MORC1: variants seen among roughly 807,000 people sequenced by gnomAD.
MORC1 encodes MORC family CW-type zinc finger protein 1.
In MORC1, 59 loss-of-function variants were observed where a neutral mutation model predicts 134.9. The observed-to-expected ratio is 0.44, with a 90% confidence interval of 0.35 to 0.54. MORC1 has a LOEUF of 0.54. Ranked by LOEUF, MORC1 falls within the 20% of genes least tolerant of loss-of-function variation. The pLI, the probability that MORC1 is intolerant of heterozygous loss-of-function variation, is 0.00. For missense variants in MORC1, 947 were observed against 1,134.5 expected, an observed-to-expected ratio of 0.83 and a Z score of 2.37; for synonymous variants, 395 against 391.7, an observed-to-expected ratio of 1.01 and a Z score of -0.10.
intron 1 of MORC1, among the ~76,000 whole-genome samples, chr3:109,115,358 C>G (rs1029057576): frequency 1.4e-3 from 156 of 115,392 alleles, no homozygotes; most frequent in Middle Eastern, 5.2e-3. Flanking sequence ...CACACACACA[C>G]AGAGAGAGAG....
chr3:109,029,384 G>A (rs1308404406), intron 16 of MORC1, among the ~76,000 whole-genome samples: 1 of 152,170 alleles, frequency 6.6e-6, no homozygotes, highest in Non-Finnish European at 1.5e-5. Flanking sequence ...TATTCAGAAG[G>A]AAGAAACCTC....
At chr3:109,035,967 A>T (rs1336906948) in intron 14 of MORC1, among the ~76,000 whole-genome samples, 1 of 151,950 alleles carries the variant, frequency 6.6e-6, no homozygotes, top group African/African-American at 2.4e-5. Flanking sequence ...CCTATCCCCA[A>T]ATTGTGTATT....
chr3:108,997,639 AATAAATAAAACATAAC>A (rs1456049636), intron 21 of MORC1, among the ~76,000 whole-genome samples: 1 of 152,260 alleles, frequency 6.6e-6, no homozygotes, highest in African/African-American at 2.4e-5. Flanking sequence ...AAGTTAGGAA[AATAAATAAAACATAAC>A]AGTGAGCTAC....
chr3:109,100,583 C>T (rs1950907494), intron 4 of MORC1, 76 bp from the exon 5 acceptor site: 1 of 1,089,464 alleles, frequency 9.2e-7, no homozygotes. Flanking sequence ...GTCAGGACCT[C>T]ACATTCCTCA....
At position 109,032,737 on chromosome 3, in the gene MORC1, G is replaced by C; in HGVS notation, c.1548C>G (p.Pro516=). 1 of 1,594,374 alleles carries C rather than the reference G, an allele frequency of 6.3e-7. No homozygotes were observed. The highest frequency in any genetic ancestry group is 8.6e-7 in the Non-Finnish European group (1 of 1,167,282). The stretch of plus-strand genomic sequence containing the variant: ...AAAAATACCTGTTTTCCAAGCGGTT[G>C]GGATTATTAGCACAAATCCAAATGT... ...FFDIWICANN[P]NRLENSCHQV... Residue 516 remains proline (P), a synonymous_variant, in exon 16 of 28, where the codon CCC becomes CCG. Transcript: ENST00000232603.
At chr3:109,063,939 T>C (rs13084102) in intron 9 of MORC1, among the ~76,000 whole-genome samples, 18,106 of 152,114 alleles carry the variant, frequency 0.12, 1,153 homozygotes, top group Non-Finnish European at 0.14. Flanking sequence ...TAAATCATCA[T>C]AGAGAGAAAA....
chr3:109,033,251 T>A lies in MORC1; in HGVS notation c.1460-426A>T, dbSNP rs147333546. Reference sequence around the variant, plus strand: ...ACCATGATCTCAACTAGTATAAAATTAAACTGAAAGAAAGAAAGAAGGAAA... The same window carrying A: ...ACCATGATCTCAACTAGTATAAAATAAAACTGAAAGAAAGAAAGAAGGAAA... On this transcript the variant is annotated intron_variant, in intron 15 of 27. Transcript: ENST00000232603. Among the ~76,000 whole-genome samples the A allele has an allele frequency of 5.2e-3, 756 of 145,936 alleles. 17 individuals are homozygous for A. The highest frequency in any genetic ancestry group is 0.019 in the African/African-American group (725 of 38,592).
At chr3:109,115,376 C>A (rs1479830344) in intron 1 of MORC1, among the ~76,000 whole-genome samples, 3 of 151,356 alleles carry the variant, frequency 2.0e-5, no homozygotes, top group Non-Finnish European at 4.4e-5. Context: ...GAGAATATAT[C>A]CCCACATTTT....
At chr3:108,975,575 T>C (rs1368078069) in intron 24 of MORC1, among the ~76,000 whole-genome samples, 2 of 152,128 alleles carry the variant, frequency 1.3e-5, no homozygotes, top group African/African-American at 2.4e-5. Flanking sequence ...CCAAGCTCTG[T>C]CACTTAAGTG....
At chr3:109,037,157 T>C (rs1386870481) in intron 14 of MORC1, among the ~76,000 whole-genome samples, 1 of 152,210 alleles carries the variant, frequency 6.6e-6, no homozygotes, top group Non-Finnish European at 1.5e-5. Context: ...TGGGGGTTAA[T>C]GGCACAGGGA....
At chr3:109,081,454 T>A (rs1363448325) in intron 8 of MORC1, among the ~76,000 whole-genome samples, 1 of 4,012 alleles carries the variant, frequency 2.5e-4, no homozygotes, top group African/African-American at 5.4e-4. Context: ...AGAATTAAAC[T>A]TTTTTTTTTT....
At chr3:109,083,909 C>G (rs945633496) in intron 8 of MORC1, among the ~76,000 whole-genome samples, 1 of 151,932 alleles carries the variant, frequency 6.6e-6, no homozygotes, top group African/African-American at 2.4e-5. Context: ...AGGAGAAAAC[C>G]CTAGGATCAT....
intron 14 of MORC1, among the ~76,000 whole-genome samples, chr3:109,049,851 G>A (rs1363478272): frequency 6.6e-6 from 1 of 152,084 alleles, no homozygotes; most frequent in Non-Finnish European, 1.5e-5. Context: ...GTTTCATCTG[G>A]CACATTTTGT....
intron 24 of MORC1, among the ~76,000 whole-genome samples, chr3:108,974,564 T>C (rs2715740): frequency 0.4 from 60,884 of 151,954 alleles, 12,695 homozygotes; most frequent in Middle Eastern, 0.56. Flanking sequence ...CACAAAATTA[T>C]AGGAATAAAC....
chr3:109,063,880 G>A (rs1394206097), intron 9 of MORC1, among the ~76,000 whole-genome samples: 1 of 152,070 alleles, frequency 6.6e-6, no homozygotes, highest in Non-Finnish European at 1.5e-5. Flanking sequence ...TTGAAAGTAT[G>A]TGCACCTGTT....
rs763295994 is a variant in MORC1 at position 109,000,625 on chromosome 3, G to A, written c.2119C>T (p.Leu707=). ...ASWEMKRKQS[L]NFVEECKVLT... is the part of the protein sequence containing the mutation. ...ACCTTACATTCCTCTACAAAGTTCAGACTCTGCTTCCTTTTCATTTCCCAA... is the reference window on the plus strand; with the variant it reads ...ACCTTACATTCCTCTACAAAGTTCAAACTCTGCTTCCTTTTCATTTCCCAA... The change falls in exon 21 of 28, where the codon CTG becomes TTG. Residue 707 remains leucine, a synonymous_variant. Transcript: ENST00000232603. 6.2e-7 allele frequency: 1 copy of A among 1,610,908 alleles called. No homozygotes were observed. Among genetic ancestry groups the A allele is most frequent in the South Asian group, 1.1e-5 (1 of 90,540 alleles).
At position 109,032,026 on chromosome 3, in the gene MORC1, G is replaced by C. The variant is rs576481872; in HGVS notation, c.1565+694C>G. Among the ~76,000 whole-genome samples, 23 of 151,958 alleles carry C rather than the reference G, an allele frequency of 1.5e-4. No individual in the cohort carries two copies. The East Asian group carries it at 4.3e-3, about 28-fold the overall frequency. ...TGTTTTCTTTTTCTTTTATCTTTTT[G>C]CTCTTCTTTTTCAGAGCTAGATAAA... On this transcript the variant is annotated intron_variant, in intron 16 of 27. Coordinates refer to ENST00000232603, the MANE Select transcript of MORC1 (RefSeq NM_014429.4).
chr3:108,971,316 A>C lies in MORC1; in HGVS notation c.2550+14T>G, dbSNP rs1462567908. 1.2e-6 allele frequency: 2 copies of C among 1,611,710 alleles called. No homozygotes were observed. Among genetic ancestry groups the C allele is most frequent in the Non-Finnish European group, 1.7e-6 (2 of 1,178,440 alleles). On this transcript the variant is annotated intron_variant, in intron 25 of 27. Transcript: ENST00000232603. ...TCTATCATTCCCTCACAGTTCCAAA[A>C]AAAACCAGCTTACCTCACAACTTAA...
At chr3:109,002,856 T>C (rs1200821034) in intron 20 of MORC1, among the ~76,000 whole-genome samples, 2 of 152,208 alleles carry the variant, frequency 1.3e-5, no homozygotes, top group Admixed American at 6.5e-5. Context: ...GCCCTACTCC[T>C]TCACACCACA....
Sources: gnomAD v4.1 joint callset for allele counts (sites outside exome capture counted in the v4.1 genomes callset) on GRCh38, gnomAD v4.1.1 for gene constraint, MANE v1.5 for transcripts, NCBI Gene and HGNC (gene_info 2026-07-23, HGNC 2026-07-21) for gene names.